Variants in CKM observed in about 807,000 individuals in gnomAD.
The protein encoded by CKM is creatine kinase M-type.
Under a neutral mutation model 35.4 loss-of-function variants are expected in CKM, and 28 were observed. That is an observed-to-expected ratio of 0.79 (90% CI 0.59 to 1.08). CKM has a LOEUF of 1.08. Among genes scored for constraint, CKM ranks in the 50% least tolerant of loss-of-function variants. CKM has a pLI of 0.00. For synonymous variants in CKM, 215 were observed against 204.4 expected (o/e 1.05, Z -0.44); for missense variants, 484 against 509.8 (o/e 0.95, Z 0.49).
chr19:45,314,205 C>T (rs1042955470), intron 4 of CKM, among the ~76,000 whole-genome samples: 1 of 151,684 alleles, frequency 6.6e-6, no homozygotes, highest in Non-Finnish European at 1.5e-5. Context: ...AAGGAATTGC[C>T]GCAGCCATCT....
chr19:45,314,952 C>A (rs2123139533), intron 4 of CKM, among the ~76,000 whole-genome samples: 1 of 152,078 alleles, frequency 6.6e-6, no homozygotes, highest in African/African-American at 2.4e-5. Context: ...GCTCAAGCGA[C>A]CCTCCCTCCT....
intron 2 of CKM, 48 bp from the exon 3 acceptor site, chr19:45,318,027 G>A: frequency 6.3e-7 from 1 of 1,587,854 alleles, no homozygotes; most frequent in Non-Finnish European, 8.6e-7. Context: ...CAGCAAACAG[G>A]GCGTGGGCTT....
chr19:45,312,118 C>A (rs1846315547), intron 4 of CKM, among the ~76,000 whole-genome samples, 198 bp from the exon 5 acceptor site: 1 of 152,188 alleles, frequency 6.6e-6, no homozygotes, highest in Non-Finnish European at 1.5e-5. Context: ...TGTCCAGGCC[C>A]CCAGGAATGG....
rs996032441 is a variant in CKM, at chr19:45,311,934, C to G, written c.482-14G>C. ...GGCTGTTGAGAGCTATGGGGACACA[C>G]GAGGGAGTGGTCAGCAGCCTGTCCC... is the stretch of plus-strand genomic sequence containing the variant. On this transcript the variant is annotated splice_polypyrimidine_tract_variant and intron_variant, in intron 4 of 7. Transcript: ENST00000221476. 1 of 1,613,504 alleles carries G rather than the reference C, an allele frequency of 6.2e-7. No homozygotes were observed. Among genetic ancestry groups the G allele is most frequent in the Non-Finnish European group, 8.5e-7 (1 of 1,179,858 alleles).
chr19:45,321,711 G>A (rs1043004471), intron 1 of CKM, among the ~76,000 whole-genome samples: 11 of 152,160 alleles, frequency 7.2e-5, no homozygotes, highest in South Asian at 2.1e-4. Context: ...CTCCAGCATC[G>A]GCCTCCCAAG....
In CKM at chr19:45,306,777, A is replaced by G. The variant is rs4884; in HGVS notation, c.1119T>C (p.Ile373=). Residue 373 remains isoleucine, a synonymous_variant, in exon 8 of 8, where the codon ATT becomes ATC. Coordinates refer to ENST00000221476, the MANE Select transcript of CKM (RefSeq NM_001824.5). The surrounding 1 kb of genome is among the most constrained non-coding windows in gnomAD (Gnocchi z 4.5). ...ACTTCTGGGCGGGGATCATGTCGTCAATGGACTGGCCTTTCTCCAACTTCT... is the reference window on the plus strand; with the variant it reads ...ACTTCTGGGCGGGGATCATGTCGTCGATGGACTGGCCTTTCTCCAACTTCT... The part of the protein sequence containing the change: ...MEKKLEKGQS[I]DDMIPAQK 0.69 allele frequency: 1,116,051 copies of G among 1,613,892 alleles called. 395,059 individuals carry two copies. Among genetic ancestry groups the G allele is most frequent in the African/African-American group, 0.81 (61,094 of 74,988 alleles).
rs374628279 is a variant in CKM at position 45,317,942 on chromosome 19, A to G, written c.231T>C (p.Gly77=). The stretch of plus-strand genomic sequence containing the variant: ...TGAAAACTTCGTAGGACTCCTCATC[A>G]CCAGCCACGCAGCCCACGGTCATGA... ...PFIMTVGCVA[G]DEESYEVFKE... The change falls in exon 3 of 8, where the codon GGT becomes GGC. Residue 77 remains glycine (G), a synonymous_variant. Coordinates refer to ENST00000221476, the MANE Select transcript of CKM (RefSeq NM_001824.5). 3 of 1,613,920 alleles carry G rather than the reference A, an allele frequency of 1.9e-6. No individual in the cohort carries two copies. Among genetic ancestry groups the G allele is most frequent in the African/African-American group, 2.7e-5 (2 of 74,954 alleles).
At chr19:45,313,903 G>A (rs984271468) in intron 4 of CKM, among the ~76,000 whole-genome samples, 2 of 152,122 alleles carry the variant, frequency 1.3e-5, no homozygotes, top group African/African-American at 4.8e-5. Context: ...GCTCACACCT[G>A]TAATGCCAGC....
rs749498994 is a variant in CKM at position 45,311,968 on chromosome 19, C to G, written c.482-48G>C. ...GGTCAGCAGCCTGTCCCACCTCAAC[C>G]AGGGTGTGGAGGCCCAGGGTTTCCC... On this transcript the variant is annotated intron_variant, in intron 4 of 7. Transcript: ENST00000221476. 4.4e-6 allele frequency: 7 copies of G among 1,606,986 alleles called. No homozygotes were observed. In the South Asian group the frequency reaches 6.6e-5, roughly 15 times the overall value.
chr19:45,316,344 A>T (rs980752636), intron 3 of CKM, among the ~76,000 whole-genome samples: 2 of 150,292 alleles, frequency 1.3e-5, no homozygotes, highest in African/African-American at 4.9e-5. Flanking sequence ...AAAAAAAAAA[A>T]ATAGAGACAG....
In CKM at chr19:45,315,359, C is replaced by G; in HGVS notation, c.481+106G>C. The G allele has an allele frequency of 2.3e-6, 3 of 1,286,548 alleles. No individual in the cohort carries two copies. In the South Asian group the frequency reaches 4.0e-5, roughly 17 times the overall value. The allele number at this position is 1,286,548 out of a possible 1,614,324, so 79.7% of individuals were successfully genotyped here. A position where few individuals can be genotyped will look rare whatever the true frequency, so the allele number is the denominator to read the frequency against. Reference sequence around the variant, plus strand: ...AGCCCCCACGATTTACCAAGCTCTTCCCCTACTTTGAAAAGCGGGGGCCCA... The same window carrying G: ...AGCCCCCACGATTTACCAAGCTCTTGCCCTACTTTGAAAAGCGGGGGCCCA... On this transcript the variant is annotated intron_variant, in intron 4 of 7. Coordinates refer to ENST00000221476, the MANE Select transcript of CKM (RefSeq NM_001824.5).
chr19:45,315,346 T>G, intron 4 of CKM, 119 bp downstream of exon 4: 1 of 1,175,324 alleles, frequency 8.5e-7, no homozygotes, highest in East Asian at 2.5e-5. Flanking sequence ...CCCCCACGAT[T>G]TACCAAGCTC....
chr19:45,309,863 A>AAAAT (rs774298840), intron 5 of CKM, among the ~76,000 whole-genome samples: 9 of 152,058 alleles, frequency 5.9e-5, no homozygotes, highest in Non-Finnish European at 1.0e-4. Context: ...AGTCCATCTC[A>AAAAT]AAATAAATAA....
At position 45,320,890 on chromosome 19, in the gene CKM, C is replaced by CTATTATTATTATTATTATTAT. The variant is rs61014137; in HGVS notation, c.-18-1180_-18-1160dup. ...CAATAAGCATTATTTCACTTAGCTG[C>CTATTATTATTATTATTATTAT]TATTATTATTATTATTATTATTATG... On this transcript the variant is annotated intron_variant, in intron 1 of 7. Transcript: ENST00000221476. Among the ~76,000 whole-genome samples the CTATTATTATTATTATTATTAT allele has an allele frequency of 4.1e-3, 605 of 146,310 alleles. 10 individuals are homozygous for CTATTATTATTATTATTATTAT. The highest frequency in any genetic ancestry group is 0.014 in the African/African-American group (552 of 39,570).
intron 6 of CKM, among the ~76,000 whole-genome samples, 176 bp from the exon 7 acceptor site, chr19:45,307,826 G>A (rs1390216054): frequency 1.3e-5 from 2 of 151,856 alleles, no homozygotes; most frequent in Non-Finnish European, 2.9e-5. Context: ...GACCAAGGCA[G>A]GATTTTGAGG....
rs763773888 is a variant in CKM, at chr19:45,311,802, C to A, written c.600G>T (p.Pro200=). ...GGGCCATGCCTGAGGCCAGCAGCAGCGGGGACACGGGCTTGTCGAACAGGA... is the reference window on the plus strand; with the variant it reads ...GGGCCATGCCTGAGGCCAGCAGCAGAGGGGACACGGGCTTGTCGAACAGGA... ...DHFLFDKPVS[P]LLLASGMARD... The change falls in exon 5 of 8, where the codon CCG becomes CCT. Residue 200 remains proline (P), a synonymous_variant. Transcript: ENST00000221476. The A allele has an allele frequency of 4.3e-6, 7 of 1,609,278 alleles. 1 individual carries two copies. The South Asian group carries it at 5.5e-5, about 13-fold the overall frequency.
chr19:45,308,512 A>G lies in CKM; in HGVS notation c.674T>C (p.Phe225Ser). 1.2e-6 allele frequency: 2 copies of G among 1,614,090 alleles called. No homozygotes were observed. Among genetic ancestry groups the G allele is most frequent in the Non-Finnish European group, 1.7e-6 (2 of 1,179,990 alleles). The part of the protein sequence containing the change: ...RGIWHNDNKS[F>S]LVWVNEEDHL... ...ATCCTCCTCGTTCACCCACACCAGG[A>G]AGCTCTTGTTGTCATTGTGCCTAGA... is the stretch of plus-strand genomic sequence containing the variant. Residue 225 changes from phenylalanine to serine, a missense_variant, in exon 6 of 8, where the codon TTC (phenylalanine) becomes TCC (serine). Transcript: ENST00000221476.
At position 45,306,978 on chromosome 19, in the gene CKM, G is replaced by A. The variant is rs762392745; in HGVS notation, c.968-50C>T. The A allele has an allele frequency of 1.4e-5, 23 of 1,598,652 alleles. No homozygotes were observed. In the Admixed American group the frequency reaches 2.0e-4, roughly 14 times the overall value. ...TGAAGAGGCAGCGAAGGTGCAGAGG[G>A]GCTGGGACGTGGCCCCCGTGCCAAA... On this transcript the variant is annotated intron_variant, in intron 7 of 7. Transcript: ENST00000221476. This position sits in a 1 kb window ranked among gnomAD's most constrained non-coding sequence, Gnocchi z 4.5.
At chr19:45,307,727 G>T in intron 6 of CKM, 77 bp from the exon 7 acceptor site, 1 of 1,239,116 alleles carries the variant, frequency 8.1e-7, no homozygotes, top group Non-Finnish European at 1.2e-6. Flanking sequence ...ACAGGGTCCG[G>T]AGGGACAGGG....
Sources: allele counts gnomAD v4.1 joint callset (sites outside exome capture counted in the v4.1 genomes callset), GRCh38; gene constraint gnomAD v4.1.1; non-coding constraint Gnocchi (gnomAD v3.1); transcripts MANE v1.5; gene names NCBI Gene and HGNC (gene_info 2026-07-23, HGNC 2026-07-21).